The following PRSS50 variants were observed in gnomAD, a reference collection of about 807,000 sequenced individuals.
PRSS50 encodes the protein serine protease 50.
PRSS50 carries 23 observed loss-of-function variants against 34.2 expected under a neutral mutation model. The observed-to-expected ratio is 0.67, with a 90% CI of 0.48 to 0.95. PRSS50 has a LOEUF of 0.95. Among genes scored for constraint, PRSS50 ranks in the 40% least tolerant of loss-of-function variants. PRSS50 has a pLI of 0.00. For missense variants in PRSS50, 484 were observed against 513.4 expected (o/e 0.94, Z 0.55); for synonymous variants, 224 against 211.2 (o/e 1.06, Z -0.53).
rs980629585 is a variant in PRSS50, at chr3:46,715,269, G to C, written c.470+266C>G. On this transcript the variant is annotated intron_variant, in intron 3 of 5. Transcript: ENST00000315170. This position sits in a 1 kb window ranked among gnomAD's most constrained non-coding sequence, Gnocchi z 5.2. ...TTCTTCCCGTGGAGAGGAGGCATGAGGCCAGACAAATGGCTTCTGAGCTTC... is the reference window on the plus strand; with the variant it reads ...TTCTTCCCGTGGAGAGGAGGCATGACGCCAGACAAATGGCTTCTGAGCTTC... 6.6e-6 allele frequency among the ~76,000 whole-genome samples: 1 copy of C among 152,214 alleles called. No homozygotes were observed. Among genetic ancestry groups the C allele is most frequent in the South Asian group, 2.1e-4 (1 of 4,830 alleles).
In PRSS50 at chr3:46,715,821, T is replaced by C; in HGVS notation, c.308-124A>G. The C allele has an allele frequency of 9.5e-7, 1 of 1,047,494 alleles. No individual in the cohort carries two copies. The allele number at this position is 1,047,494 out of a possible 1,614,324, so 64.9% of individuals were successfully genotyped here. ...CATCCAGGGGTGCTCCCTTTTCACC[T>C]GTCACCATGGAATGATGCTGTCCAC... On this transcript the variant is annotated intron_variant, in intron 2 of 5. Coordinates refer to ENST00000315170, the MANE Select transcript of PRSS50 (RefSeq NM_013270.5). The surrounding 1 kb of genome is among the most constrained non-coding windows in gnomAD (Gnocchi z 5.2).
At chr3:46,714,910 C>A (rs1041260810) in intron 3 of PRSS50, among the ~76,000 whole-genome samples, 2 of 152,220 alleles carry the variant, frequency 1.3e-5, no homozygotes, top group African/African-American at 4.8e-5. Flanking sequence ...TGTGCCATGG[C>A]CTGGCTATCT....
chr3:46,717,455 T>C lies in PRSS50; in HGVS notation c.289A>G (p.Lys97Glu), dbSNP rs764120358. 1.2e-6 allele frequency: 2 copies of C among 1,613,854 alleles called. No individual in the cohort carries two copies. Among genetic ancestry groups the C allele is most frequent in the African/African-American group, 1.3e-5 (1 of 74,860 alleles). The change falls in exon 2 of 6, where the codon AAA becomes GAA. Residue 97 changes from lysine (K) to glutamate (E), a missense_variant. Physicochemically the swap from Lys to Glu is moderately conservative, Grantham distance 56 (BLOSUM62 1). Coordinates refer to ENST00000315170, the MANE Select transcript of PRSS50 (RefSeq NM_013270.5). This position sits in a 1 kb window ranked among gnomAD's most constrained non-coding sequence, Gnocchi z 4.5. ...TACTCACAGCGGTATGGGTCGACTT[T>C]GCCTTCAGAAACTGGGAATTGGGTC... ...METQFPVSEGKVDPYRSCGFS... is the reference protein window; with the variant it reads ...METQFPVSEGEVDPYRSCGFS...
rs1203331755 is a variant in PRSS50 at position 46,712,481 on chromosome 3, T to G, written c.923A>C (p.Glu308Ala). The G allele has an allele frequency of 1.2e-6, 2 of 1,613,582 alleles. No homozygotes were observed. Among genetic ancestry groups the G allele is most frequent in the South Asian group, 2.2e-5 (2 of 91,042 alleles). The part of the protein sequence containing the change: ...EDTHREKFCY[E>A]LTGEPLVCSM... ...GCAGACCAAGGGCTCTCCAGTTAGC[T>G]CCTGTGGGAAGGGTTGGGGGAGTAA... The change falls in exon 6 of 6, where the codon GAG becomes GCG. Residue 308 changes from glutamate (E) to alanine (A), a missense_variant and splice_region_variant. Transcript: ENST00000315170.
rs1189019848 is a variant in PRSS50, at chr3:46,717,613, G to A, written c.131C>T (p.Pro44Leu). ...SAGCWGAGEA[P>L]GALSTADPAD... ...GGGATCAGCAGTGGACAGCGCCCCC[G>A]GGGCTTCCCCTGCGCCCCAGCAACC... Residue 44 changes from proline (P) to leucine (L), a missense_variant, in exon 2 of 6, where the codon CCG (proline) becomes CTG (leucine). By Grantham distance (98) the Pro-to-Leu change is moderately conservative. Coordinates refer to ENST00000315170, the MANE Select transcript of PRSS50 (RefSeq NM_013270.5). This position sits in a 1 kb window ranked among gnomAD's most constrained non-coding sequence, Gnocchi z 4.5. 3.1e-6 allele frequency: 5 copies of A among 1,613,118 alleles called. No homozygotes were observed. The highest frequency in any genetic ancestry group is 4.5e-5 in the East Asian group (2 of 44,852).
At chr3:46,714,700 C>T (rs1575472486) in intron 3 of PRSS50, among the ~76,000 whole-genome samples, 199 bp from the exon 4 acceptor site, 1 of 152,188 alleles carries the variant, frequency 6.6e-6, no homozygotes, top group Non-Finnish European at 1.5e-5. Context: ...GTCCTCAAGA[C>T]CCTTCATTTT....
Position 46,714,331 on chromosome 3 carries a change from T to A in PRSS50, c.641A>T (p.Gln214Leu). Residue 214 changes from glutamine to leucine, a missense_variant, in exon 4 of 6, where the codon CAG becomes CTG. Gln to Leu is a moderately radical substitution (Grantham distance 113). Coordinates refer to ENST00000315170, the MANE Select transcript of PRSS50 (RefSeq NM_013270.5). ...ANDIGLLKLK[Q>L]ELKYSNYVRP... is the part of the protein sequence containing the mutation. Reference sequence around the variant, plus strand: ...CACGTAATTGCTGTACTTGAGTTCCTGCTTGAGCTTGAGGAGGCCGATGTC... The same window carrying A: ...CACGTAATTGCTGTACTTGAGTTCCAGCTTGAGCTTGAGGAGGCCGATGTC... 1 of 1,614,112 alleles carries A rather than the reference T, an allele frequency of 6.2e-7. No individual in the cohort carries two copies. Among genetic ancestry groups the A allele is most frequent in the Non-Finnish European group, 8.5e-7 (1 of 1,180,036 alleles).
In PRSS50 at chr3:46,717,196, T is replaced by G. The variant is rs2106796638; in HGVS notation, c.307+241A>C. Among the ~76,000 whole-genome samples the G allele has an allele frequency of 6.6e-6, 1 of 152,264 alleles. No homozygotes were observed. Among genetic ancestry groups the G allele is most frequent in the African/African-American group, 2.4e-5 (1 of 41,556 alleles). ...CAGCCGGCCCCAGGCCCCTCTGACT[T>G]TCCTGCCCCCTACCTCAGCAGGAGG... On this transcript the variant is annotated intron_variant, in intron 2 of 5. Coordinates refer to ENST00000315170, the MANE Select transcript of PRSS50 (RefSeq NM_013270.5). The surrounding 1 kb of genome is among the most constrained non-coding windows in gnomAD (Gnocchi z 4.5).
Position 46,712,339 on chromosome 3 carries a change from G to A in PRSS50, c.1065C>T (p.Asp355=). Residue 355 remains aspartate (D), a synonymous_variant, in exon 6 of 6, where the codon GAC becomes GAT. Coordinates refer to ENST00000315170, the MANE Select transcript of PRSS50 (RefSeq NM_013270.5). ...QVSSYQHWIW[D]CLNGQALALP... ...GGGCCAGGGCCTGCCCGTTGAGGCA[G>A]TCCCAGATCCAGTGTTGGTAGGAGG... 6.2e-7 allele frequency: 1 copy of A among 1,613,896 alleles called. No homozygotes were observed. The highest frequency in any genetic ancestry group is 8.5e-7 in the Non-Finnish European group (1 of 1,179,930).
rs779384439 is a variant in PRSS50 at position 46,712,494 on chromosome 3, G to A, written c.922-12C>T. On this transcript the variant is annotated splice_polypyrimidine_tract_variant and intron_variant, in intron 5 of 5. Coordinates refer to ENST00000315170, the MANE Select transcript of PRSS50 (RefSeq NM_013270.5). The stretch of plus-strand genomic sequence containing the variant: ...TCTCCAGTTAGCTCCTGTGGGAAGG[G>A]TTGGGGGAGTAAGGGTCAGGGAGGC... 23 of 1,613,030 alleles carry A rather than the reference G, an allele frequency of 1.4e-5. No homozygotes were observed. The highest frequency in any genetic ancestry group is 3.3e-4 in the Middle Eastern group (2 of 6,072).
At position 46,715,826 on chromosome 3, in the gene PRSS50, C is replaced by T; in HGVS notation, c.308-129G>A. On this transcript the variant is annotated intron_variant, in intron 2 of 5. Transcript: ENST00000315170. The surrounding 1 kb of genome is among the most constrained non-coding windows in gnomAD (Gnocchi z 5.2). The stretch of plus-strand genomic sequence containing the variant: ...AGGGGTGCTCCCTTTTCACCTGTCA[C>T]CATGGAATGATGCTGTCCACATGTG... 1.0e-6 allele frequency: 1 copy of T among 996,196 alleles called. No individual in the cohort carries two copies. The highest frequency in any genetic ancestry group is 1.5e-6 in the Non-Finnish European group (1 of 683,728). 61.7% of individuals were successfully genotyped at this position (996,196 alleles called of 1,614,324 possible).
chr3:46,715,252 G>A lies in PRSS50; in HGVS notation c.470+283C>T, dbSNP rs1024752426. ...ATGAAAGAACTAGGAGCTTCTTCCC[G>A]TGGAGAGGAGGCATGAGGCCAGACA... On this transcript the variant is annotated intron_variant, in intron 3 of 5. Transcript: ENST00000315170. The surrounding 1 kb of genome is among the most constrained non-coding windows in gnomAD (Gnocchi z 5.2). Among the ~76,000 whole-genome samples the A allele has an allele frequency of 5.3e-5, 8 of 152,248 alleles. No homozygotes were observed. The highest frequency in any genetic ancestry group is 3.8e-4 in the East Asian group (2 of 5,200).
In PRSS50 at chr3:46,713,078, G is replaced by A. The variant is rs1392704184; in HGVS notation, c.755-11C>T. The A allele has an allele frequency of 6.2e-7, 1 of 1,613,336 alleles. No individual in the cohort carries two copies. Among genetic ancestry groups the A allele is most frequent in the Admixed American group, 1.7e-5 (1 of 59,966 alleles). On this transcript the variant is annotated splice_polypyrimidine_tract_variant and intron_variant, in intron 4 of 5. Transcript: ENST00000315170. ...ACTGAGGCCACATGCCTGTGGGACA[G>A]GGCCCCATTTAGGCGCAGCCACTCA...
At position 46,713,004 on chromosome 3, in the gene PRSS50, C is replaced by T. The variant is rs1385566492; in HGVS notation, c.818G>A (p.Cys273Tyr). ...KEVIILNNKECDNFYHNFTKI... is the reference protein window; with the variant it reads ...KEVIILNNKEYDNFYHNFTKI... ...GGTGAAGTTGTGGTAGAAATTGTCA[C>T]ACTCTTTGTTGTTCAGGATGATGAC... Residue 273 changes from cysteine (C) to tyrosine (Y), a missense_variant, in exon 5 of 6, where the codon TGT becomes TAT. Cys to Tyr is a radical substitution (Grantham distance 194). Coordinates refer to ENST00000315170, the MANE Select transcript of PRSS50 (RefSeq NM_013270.5). 17 of 1,614,178 alleles carry T rather than the reference C, an allele frequency of 1.1e-5. No homozygotes were observed. The highest frequency in any genetic ancestry group is 1.4e-5 in the Non-Finnish European group (17 of 1,180,020).
rs1700696639 is a variant in PRSS50, at chr3:46,717,363, T to C, written c.307+74A>G. 7 of 1,548,288 alleles carry C rather than the reference T, an allele frequency of 4.5e-6. No individual in the cohort carries two copies. Among genetic ancestry groups the C allele is most frequent in the South Asian group, 3.4e-5 (3 of 87,922 alleles). ...CTCGCCCCCGTCCCTTCTGCTCCCC[T>C]AGCCCCAGCCAAGGTCCTTAAGACT... On this transcript the variant is annotated intron_variant, in intron 2 of 5. Transcript: ENST00000315170. The surrounding 1 kb of genome is among the most constrained non-coding windows in gnomAD (Gnocchi z 4.5).
At chr3:46,712,553 A>ATCCCGCCTGTCCT in intron 5 of PRSS50, 71 bp from the exon 6 acceptor site, 2 of 1,425,134 alleles carry the variant, frequency 1.4e-6, no homozygotes, top group Non-Finnish European at 2.0e-6. Context: ...GCTCCAGGAC[A>ATCCCGCCTGTCCT]GGCGGGATGT....
chr3:46,715,822 G>T lies in PRSS50; in HGVS notation c.308-125C>A. 1 of 1,038,276 alleles carries T rather than the reference G, an allele frequency of 9.6e-7. No individual in the cohort carries two copies. The highest frequency in any genetic ancestry group is 1.4e-6 in the Non-Finnish European group (1 of 721,468). 64.3% of individuals were successfully genotyped at this position (1,038,276 alleles called of 1,614,324 possible). ...ATCCAGGGGTGCTCCCTTTTCACCT[G>T]TCACCATGGAATGATGCTGTCCACA... On this transcript the variant is annotated intron_variant, in intron 2 of 5. Coordinates refer to ENST00000315170, the MANE Select transcript of PRSS50 (RefSeq NM_013270.5). The surrounding 1 kb of genome is among the most constrained non-coding windows in gnomAD (Gnocchi z 5.2).
In PRSS50 at chr3:46,715,470, G is replaced by GGGAT. The variant is rs1700668732; in HGVS notation, c.470+61_470+64dup. On this transcript the variant is annotated intron_variant, in intron 3 of 5. Transcript: ENST00000315170. The surrounding 1 kb of genome is among the most constrained non-coding windows in gnomAD (Gnocchi z 5.2). The stretch of plus-strand genomic sequence containing the variant: ...TGGGCCCAGAACAGCTGGCAGGGAG[G>GGGAT]GGATGACTGGGCCCACAGCAGCTCC... 1 of 1,559,690 alleles carries GGGAT rather than the reference G, an allele frequency of 6.4e-7. No individual in the cohort carries two copies. Among genetic ancestry groups the GGGAT allele is most frequent in the Non-Finnish European group, 8.8e-7 (1 of 1,142,420 alleles).
rs776951976 is a variant in PRSS50 at position 46,712,267 on chromosome 3, G to A, written c.1137C>T (p.Leu379=). ...RTLLLALPLP[L]SLLAAL is the part of the protein sequence containing the mutation. ...AGAGTCAGAGGGCAGCAAGGAGGCT[G>A]AGGGGCAGTGGGAGTGCCAGGAGCA... Residue 379 remains leucine, a synonymous_variant, in exon 6 of 6, where the codon CTC becomes CTT. Coordinates refer to ENST00000315170, the MANE Select transcript of PRSS50 (RefSeq NM_013270.5). 7 of 1,610,802 alleles carry A rather than the reference G, an allele frequency of 4.3e-6. No individual in the cohort carries two copies. Among genetic ancestry groups the A allele is most frequent in the Non-Finnish European group, 5.9e-6 (7 of 1,178,604 alleles).
Sources: allele counts gnomAD v4.1 joint callset (sites outside exome capture counted in the v4.1 genomes callset), GRCh38; gene constraint gnomAD v4.1.1; non-coding constraint Gnocchi (gnomAD v3.1); transcripts MANE v1.5; gene names NCBI Gene and HGNC (gene_info 2026-07-23, HGNC 2026-07-21).